Variants in PTPRD observed in about 807,000 individuals in gnomAD.
The protein encoded by PTPRD is receptor-type tyrosine-protein phosphatase delta.
A neutral mutation model predicts 214.5 loss-of-function variants in PTPRD; 34 were observed. That is an observed-to-expected ratio of 0.16 (90% CI 0.12 to 0.21). PTPRD has a LOEUF of 0.21. Ranked by LOEUF, PTPRD falls within the 10% of genes least tolerant of loss-of-function variation. The probability of loss-of-function intolerance (pLI) is 1.00; values close to 1 mark genes in which losing one functional copy is unlikely to be tolerated. For missense variants in PTPRD, 2,545 were observed against 2,398.7 expected, an observed-to-expected ratio of 1.06 and a Z score of -1.27; for synonymous variants, 1,128 against 845.7, an observed-to-expected ratio of 1.33 and a Z score of -5.79.
chr9:9,954,298 A>C (rs113521535), intron 4 of PTPRD, among the ~76,000 whole-genome samples: 1,088 of 52,846 alleles, frequency 0.021, no homozygotes, highest in African/African-American at 0.13. Context: ...GTCTCAAAAC[A>C]AAAAAAAAAA....
intron 2 of PTPRD, among the ~76,000 whole-genome samples, chr9:10,575,222 G>A (rs1259147486): frequency 6.6e-6 from 1 of 151,852 alleles, no homozygotes; most frequent in East Asian, 1.9e-4. Context: ...TCATTATTAA[G>A]AATTTAAAGA....
At chr9:8,469,050 G>C (rs1214742874) in intron 31 of PTPRD, among the ~76,000 whole-genome samples, 1 of 151,848 alleles carries the variant, frequency 6.6e-6, no homozygotes, top group Non-Finnish European at 1.5e-5. Flanking sequence ...AGAAAAGTGG[G>C]AAACAACCCA....
chr9:8,429,625 G>T (rs12335696), intron 35 of PTPRD, among the ~76,000 whole-genome samples: 2,875 of 152,174 alleles, frequency 0.019, 102 homozygotes, highest in African/African-American at 0.066. Flanking sequence ...TCATATAAAA[G>T]GGTCATTATC....
intron 24 of PTPRD, 21 bp from the exon 25 acceptor site, chr9:8,499,861 AAAAG>A: frequency 6.3e-7 from 1 of 1,584,286 alleles, no homozygotes; most frequent in South Asian, 1.2e-5. Context: ...ATCATTGGAT[AAAAG>A]AAATTATAGG....
chr9:10,512,030 G>GTGTGTGTATATATA (rs2048420356), intron 2 of PTPRD, among the ~76,000 whole-genome samples: 1 of 82,508 alleles, frequency 1.2e-5, no homozygotes, highest in Non-Finnish European at 2.2e-5. Flanking sequence ...ATATATATAT[G>GTGTGTGTATATATA]TATATATATA....
At position 9,251,336 on chromosome 9, in the gene PTPRD, T is replaced by A. The variant is rs115921575; in HGVS notation, c.-202-67973A>T. Among the ~76,000 whole-genome samples, 100 of 152,238 alleles carry A rather than the reference T, an allele frequency of 6.6e-4. 1 individual carries two copies. The highest frequency in any genetic ancestry group is 2.2e-3 in the African/African-American group (91 of 41,566). On this transcript the variant is annotated intron_variant, in intron 9 of 45. Transcript: ENST00000381196. Reference sequence around the variant, plus strand: ...GATAAAGTTCAAATTCTTTACACAATACTTCATCCCTGCCTACTTTTCTAG... The same window carrying A: ...GATAAAGTTCAAATTCTTTACACAAAACTTCATCCCTGCCTACTTTTCTAG...
At chr9:10,425,706 T>A (rs2098607282) in intron 2 of PTPRD, among the ~76,000 whole-genome samples, 1 of 152,096 alleles carries the variant, frequency 6.6e-6, no homozygotes, top group East Asian at 1.9e-4. Context: ...ATTACAGAAC[T>A]TTAAAATGAG....
At chr9:10,532,127 T>A (rs1486691601) in intron 2 of PTPRD, 1 of 152,180 alleles carries the variant, frequency 6.6e-6, no homozygotes, top group Non-Finnish European at 1.5e-5. Context: ...AGCTTATATA[T>A]AAGATTTTAG....
chr9:10,352,902 G>T (rs999175724), intron 2 of PTPRD, among the ~76,000 whole-genome samples: 12 of 151,844 alleles, frequency 7.9e-5, no homozygotes, highest in African/African-American at 2.9e-4. Context: ...ATTCCTAAAT[G>T]CTGCAATACC....
chr9:10,091,524 A>T (rs1009397989), intron 3 of PTPRD, among the ~76,000 whole-genome samples: 1 of 151,554 alleles, frequency 6.6e-6, no homozygotes, highest in Non-Finnish European at 1.5e-5. Flanking sequence ...GAAATTTTAA[A>T]TATTTGTTCC....
intron 11 of PTPRD, among the ~76,000 whole-genome samples, chr9:8,875,950 C>T (rs946919530): frequency 6.6e-6 from 1 of 152,058 alleles, no homozygotes; most frequent in South Asian, 2.1e-4. Flanking sequence ...TTTATGATGC[C>T]GAGACACTGA....
chr9:9,953,990 T>C (rs2093676594), intron 4 of PTPRD, among the ~76,000 whole-genome samples: 1 of 151,980 alleles, frequency 6.6e-6, no homozygotes. Context: ...ACTCTAGGTA[T>C]ATAGGGCACT....
At chr9:10,134,255 C>T (rs756277072) in intron 3 of PTPRD, among the ~76,000 whole-genome samples, 5 of 152,118 alleles carry the variant, frequency 3.3e-5, no homozygotes, top group Non-Finnish European at 7.3e-5. Context: ...TTATCTTTGG[C>T]TCTGGCTGCC....
intron 14 of PTPRD, among the ~76,000 whole-genome samples, chr9:8,592,145 A>C (rs1298774258): frequency 6.6e-6 from 1 of 152,194 alleles, no homozygotes; most frequent in Non-Finnish European, 1.5e-5. Context: ...ACATATTGAC[A>C]ATACACTTAA....
Position 10,265,750 on chromosome 9 carries a change from C to G in PTPRD, c.-545+75213G>C, listed in dbSNP as rs558994661. 5.2e-4 allele frequency among the ~76,000 whole-genome samples: 79 copies of G among 152,284 alleles called. No individual in the cohort carries two copies. The South Asian group carries it at 0.013, about 25-fold the overall frequency. On this transcript the variant is annotated intron_variant, in intron 3 of 45. Coordinates refer to ENST00000381196, the MANE Select transcript of PTPRD (RefSeq NM_002839.4). ...GCATCCGGACCTGATCCATAGGCAA[C>G]AGTTTGCTGACACTTGTTTTAAGCC...
chr9:8,391,713 C>G (rs1401503152), intron 36 of PTPRD, among the ~76,000 whole-genome samples: 1 of 152,108 alleles, frequency 6.6e-6, no homozygotes, highest in Admixed American at 6.6e-5. Flanking sequence ...TAAGAAAACT[C>G]AGAATGGAGA....
At chr9:10,378,985 A>G (rs997121901) in intron 2 of PTPRD, among the ~76,000 whole-genome samples, 2 of 151,794 alleles carry the variant, frequency 1.3e-5, no homozygotes, top group Non-Finnish European at 2.9e-5. Flanking sequence ...GTCCTCTTCA[A>G]TTTCTTTCCT....
intron 12 of PTPRD, among the ~76,000 whole-genome samples, chr9:8,694,202 T>C (rs959801394): frequency 1.6e-4 from 24 of 152,144 alleles, no homozygotes; most frequent in Admixed American, 6.5e-5. Context: ...AAATAAATAA[T>C]TTTCTGGGAA....
At chr9:8,875,810 A>G (rs2098383040) in intron 11 of PTPRD, among the ~76,000 whole-genome samples, 1 of 152,158 alleles carries the variant, frequency 6.6e-6, no homozygotes, top group Admixed American at 6.5e-5. Context: ...CAGCTACTTA[A>G]CTGAGTAGCT....
Sources: allele counts gnomAD v4.1 joint callset (sites outside exome capture counted in the v4.1 genomes callset), GRCh38; gene constraint gnomAD v4.1.1; transcripts MANE v1.5; gene names NCBI Gene and HGNC (gene_info 2026-07-23, HGNC 2026-07-21).